Variants in MAML3 observed in about 807,000 individuals in gnomAD.
The protein encoded by MAML3 is mastermind like transcriptional coactivator 3.
MAML3 carries 27 observed loss-of-function variants against 101.9 expected under a neutral mutation model. That is an observed-to-expected ratio of 0.27 (90% confidence interval 0.20 to 0.37). The LOEUF is 0.37. Among genes scored for constraint, MAML3 ranks in the 10% least tolerant of loss-of-function variants. The pLI, the probability that MAML3 is intolerant of heterozygous loss-of-function variation, is 1.00. For missense variants in MAML3, 1,316 were observed against 1,444.9 expected, an observed-to-expected ratio of 0.91 and a Z score of 1.45; for synonymous variants, 501 against 555.9, an observed-to-expected ratio of 0.90 and a Z score of 1.39.
intron 1 of MAML3, among the ~76,000 whole-genome samples, chr4:139,970,917 T>C (rs1734223996): frequency 6.6e-6 from 1 of 152,194 alleles, no homozygotes; most frequent in South Asian, 2.1e-4. Flanking sequence ...TCTATTTGTT[T>C]TGATTTCCAG....
chr4:139,832,377 GC>G (rs1731183944), intron 2 of MAML3, among the ~76,000 whole-genome samples: 1 of 151,794 alleles, frequency 6.6e-6, no homozygotes, highest in Admixed American at 6.6e-5. Flanking sequence ...CTCCCAAAGT[GC>G]TGGAATTACA....
At chr4:140,083,971 G>C (rs75946434) in intron 1 of MAML3, among the ~76,000 whole-genome samples, 357 of 14,534 alleles carry the variant, frequency 0.025, 2 homozygotes, top group African/African-American at 0.049. Context: ...CACACACAGA[G>C]AGAGAGAGAG....
intron 4 of MAML3, among the ~76,000 whole-genome samples, chr4:139,725,002 G>A (rs1728407787): frequency 6.6e-6 from 1 of 151,994 alleles, no homozygotes; most frequent in Non-Finnish European, 1.5e-5. Context: ...CAAGTGATCC[G>A]TCCACCTCAG....
intron 2 of MAML3, among the ~76,000 whole-genome samples, chr4:139,827,941 G>C (rs76061431): frequency 0.036 from 5,433 of 152,270 alleles, 339 homozygotes; most frequent in African/African-American, 0.12. Context: ...TACAGTGATG[G>C]TGTGTCAACT....
chr4:139,730,405 G>T lies in MAML3; in HGVS notation c.2331+11C>A. The T allele has an allele frequency of 6.5e-7, 1 of 1,547,410 alleles. No individual in the cohort carries two copies. The highest frequency in any genetic ancestry group is 8.7e-7 in the Non-Finnish European group (1 of 1,145,810). ...GAATGAATGAATGAATCACGCCAAGGGGCATGTTACCTGTTCCGCCAAAAT... is the reference window on the plus strand; with the variant it reads ...GAATGAATGAATGAATCACGCCAAGTGGCATGTTACCTGTTCCGCCAAAAT... On this transcript the variant is annotated intron_variant, in intron 3 of 4. Coordinates refer to ENST00000509479, the MANE Select transcript of MAML3 (RefSeq NM_018717.5).
chr4:140,144,548 CAAA>C (rs758787783), intron 1 of MAML3, among the ~76,000 whole-genome samples: 3 of 95,936 alleles, frequency 3.1e-5, no homozygotes, highest in Non-Finnish European at 4.4e-5. Flanking sequence ...AAAGCAAAAC[CAAA>C]AAAAAAAAAA....
chr4:140,080,935 A>G (rs1412538840), intron 1 of MAML3, among the ~76,000 whole-genome samples: 3 of 152,254 alleles, frequency 2.0e-5, no homozygotes, highest in African/African-American at 7.2e-5. Context: ...TGGAATCCAT[A>G]GTTTTAATTA....
intron 1 of MAML3, among the ~76,000 whole-genome samples, chr4:140,005,344 CAGA>C: frequency 6.6e-6 from 1 of 152,276 alleles, no homozygotes; most frequent in South Asian, 2.1e-4. Flanking sequence ...ATAATCAATT[CAGA>C]AGAACTGAAA....
intron 1 of MAML3, among the ~76,000 whole-genome samples, chr4:140,123,466 A>T (rs982675279): frequency 1.3e-5 from 2 of 152,156 alleles, no homozygotes; most frequent in East Asian, 1.9e-4. Context: ...TGATTATTCT[A>T]AGATGTCAAG....
chr4:139,892,262 T>A (rs1412139854), intron 1 of MAML3, among the ~76,000 whole-genome samples: 2 of 152,232 alleles, frequency 1.3e-5, no homozygotes, highest in Non-Finnish European at 2.9e-5. Context: ...GAGCTTATTA[T>A]CCTTTGTTAC....
intron 1 of MAML3, among the ~76,000 whole-genome samples, chr4:140,039,867 T>G (rs1445995117): frequency 2.0e-5 from 3 of 152,180 alleles, no homozygotes; most frequent in Non-Finnish European, 4.4e-5. Flanking sequence ...CAACCTCTCC[T>G]CTTATCCCTA....
chr4:139,829,887 T>C (rs1007920023), intron 2 of MAML3, among the ~76,000 whole-genome samples: 2 of 152,230 alleles, frequency 1.3e-5, no homozygotes, highest in African/African-American at 2.4e-5. Context: ...ATATCAGTTA[T>C]TATCAGCATG....
intron 2 of MAML3, among the ~76,000 whole-genome samples, chr4:139,821,804 T>C (rs1730978245): frequency 1.3e-5 from 2 of 152,228 alleles, no homozygotes; most frequent in Admixed American, 1.3e-4. Context: ...ATAGTGCCCA[T>C]ATTCAAAAGA....
rs1185767455 is a variant in MAML3 at position 139,719,681 on chromosome 4, G to A, written c.3059C>T (p.Thr1020Ile). Reference protein sequence around the residue: ...VVDANTGTVRTLNPAAMGRQM... With the variant: ...VVDANTGTVRILNPAAMGRQM... ...CCGACCCATGGCAGCTGGGTTGAGG[G>A]TCCTCACTGTGCCCGTGTTAGCATC... The change falls in exon 5 of 5, where the codon ACC (threonine) becomes ATC (isoleucine). Residue 1020 changes from threonine to isoleucine, a missense_variant. Physicochemically the swap from Thr to Ile is moderately conservative, Grantham distance 89. Transcript: ENST00000509479. The A allele has an allele frequency of 1.9e-6, 3 of 1,613,324 alleles. No homozygotes were observed. Among genetic ancestry groups the A allele is most frequent in the African/African-American group, 1.3e-5 (1 of 74,948 alleles).
Position 140,153,295 on chromosome 4 carries a change from C to T in MAML3, c.33G>A (p.Ala11=). 1 of 1,600,134 alleles carries T rather than the reference C, an allele frequency of 6.2e-7. No individual in the cohort carries two copies. The highest frequency in any genetic ancestry group is 1.7e-4 in the Middle Eastern group (1 of 6,014). ...TGTTGATGCAAATACTACTGCCATT[C>T]GCGGCAGCAGCGGGGGCTGCGAAAT... The part of the protein sequence containing the change: MGDFAAPAAA[A]NGSSICINSS... The change falls in exon 1 of 5, where the codon GCG becomes GCA. Residue 11 remains alanine, a synonymous_variant. Transcript: ENST00000509479.
In MAML3 at chr4:139,882,436, A is replaced by T. The variant is rs565922645; in HGVS notation, c.2079+6921T>A. 2.6e-5 allele frequency among the ~76,000 whole-genome samples: 4 copies of T among 152,320 alleles called. No homozygotes were observed. In the East Asian group the frequency reaches 5.8e-4, roughly 22 times the overall value. On this transcript the variant is annotated intron_variant, in intron 2 of 4. Transcript: ENST00000509479. ...ATATTAGAAAAGTTATCAGAGTGAA[A>T]AAAAAACAGGTTACACACATAGGGT...
At position 139,771,932 on chromosome 4, in the gene MAML3, T is replaced by G. The variant is rs547111501; in HGVS notation, c.2080-41265A>C. Among the ~76,000 whole-genome samples, 9 of 140,834 alleles carry G rather than the reference T, an allele frequency of 6.4e-5. No homozygotes were observed. In the East Asian group the frequency reaches 2.0e-3, roughly 31 times the overall value. 92.4% of individuals were successfully genotyped at this position (140,834 alleles called of 152,430 possible). ...AAGAAACATCCCACACCAGGTCACC[T>G]CTACTTAAAGTAAAAAAAAAAAAAA... On this transcript the variant is annotated intron_variant, in intron 2 of 4. Coordinates refer to ENST00000509479, the MANE Select transcript of MAML3 (RefSeq NM_018717.5).
intron 1 of MAML3, among the ~76,000 whole-genome samples, chr4:140,071,988 G>A (rs929433281): frequency 6.6e-6 from 1 of 152,168 alleles, no homozygotes; most frequent in Non-Finnish European, 1.5e-5. Flanking sequence ...GGGGGAGGAA[G>A]GGGGAGAACA....
At chr4:139,840,530 C>T (rs1474023818) in intron 2 of MAML3, among the ~76,000 whole-genome samples, 1 of 152,170 alleles carries the variant, frequency 6.6e-6, no homozygotes, top group African/African-American at 2.4e-5. Context: ...GATGAAAAGG[C>T]CTGGCAAGGG....
Sources: gnomAD v4.1 joint callset for allele counts (sites outside exome capture counted in the v4.1 genomes callset) on GRCh38, gnomAD v4.1.1 for gene constraint, MANE v1.5 for transcripts, NCBI Gene and HGNC (gene_info 2026-07-23, HGNC 2026-07-21) for gene names.